The following PPP4R4 variants were observed in gnomAD, a reference collection of about 807,000 sequenced individuals.
The protein encoded by PPP4R4 is protein phosphatase 4 regulatory subunit 4, also known as serine/threonine-protein phosphatase 4 regulatory subunit 4.
In PPP4R4, 70 loss-of-function variants were observed where a neutral mutation model predicts 121.8. The observed-to-expected ratio is 0.57, with a 90% CI of 0.47 to 0.70. The LOEUF (loss-of-function observed/expected upper bound fraction) is 0.70, where lower values mean the gene tolerates loss of function less well. Ranked by LOEUF, PPP4R4 falls within the 30% of genes least tolerant of loss-of-function variation. The pLI is 0.00. For synonymous variants in PPP4R4, 348 were observed against 355.7 expected, an observed-to-expected ratio of 0.98 and a Z score of 0.24; for missense variants, 875 against 1,033.6, an observed-to-expected ratio of 0.85 and a Z score of 2.10.
chr14:94,258,692 T>C (rs1000897782), intron 17 of PPP4R4, 91 bp from the exon 18 acceptor site: 1 of 907,944 alleles, frequency 1.1e-6, no homozygotes, highest in Non-Finnish European at 1.8e-6. Context: ...AGTCTTCTAT[T>C]TGAACCTCCA....
At chr14:94,198,696 T>G (rs1036253040) in intron 2 of PPP4R4, among the ~76,000 whole-genome samples, 1 of 152,254 alleles carries the variant, frequency 6.6e-6, no homozygotes, top group Non-Finnish European at 1.5e-5. Flanking sequence ...AATTAAATTC[T>G]GTTTATTGTT....
chr14:94,207,360 T>G (rs1461602783), intron 2 of PPP4R4, among the ~76,000 whole-genome samples: 1 of 152,026 alleles, frequency 6.6e-6, no homozygotes, highest in Non-Finnish European at 1.5e-5. Flanking sequence ...GTGGAATGAT[T>G]ATGATGTCCT....
chr14:94,203,273 T>C (rs1051698199), intron 2 of PPP4R4, among the ~76,000 whole-genome samples: 2 of 152,226 alleles, frequency 1.3e-5, no homozygotes, highest in African/African-American at 4.8e-5. Flanking sequence ...TCAAGAATGC[T>C]ATATAAGTGG....
intron 16 of PPP4R4, 87 bp downstream of exon 16, chr14:94,251,983 A>G (rs940180233): frequency 5.7e-6 from 7 of 1,219,878 alleles, no homozygotes; most frequent in African/African-American, 3.2e-5. Context: ...TCCTTAGCCA[A>G]TTAAAAACTT....
intron 23 of PPP4R4, among the ~76,000 whole-genome samples, chr14:94,269,271 C>T (rs1218627337): frequency 2.0e-5 from 3 of 152,084 alleles, no homozygotes; most frequent in African/African-American, 4.8e-5. Context: ...GAATAACATT[C>T]CATTCACAGT....
At chr14:94,231,750 A>G (rs866974399) in intron 5 of PPP4R4, among the ~76,000 whole-genome samples, 10 of 152,250 alleles carry the variant, frequency 6.6e-5, no homozygotes, top group Middle Eastern at 6.8e-3. Flanking sequence ...GCATTTCTGT[A>G]GAGCTCTTCC....
chr14:94,176,263 A>G, intron 2 of PPP4R4, 136 bp downstream of exon 2: 1 of 649,124 alleles, frequency 1.5e-6, no homozygotes, highest in Non-Finnish European at 2.7e-6. Flanking sequence ...TGTGCATAGT[A>G]CTTAACTATA....
chr14:94,257,678 T>TACACAC (rs1893551884), intron 17 of PPP4R4, among the ~76,000 whole-genome samples: 2 of 113,898 alleles, frequency 1.8e-5, no homozygotes, highest in African/African-American at 7.3e-5. Flanking sequence ...CACACACACT[T>TACACAC]GTTTCTACCA....
chr14:94,212,585 A>G (rs1295650437), intron 3 of PPP4R4, among the ~76,000 whole-genome samples: 9 of 152,146 alleles, frequency 5.9e-5, no homozygotes, highest in Non-Finnish European at 1.3e-4. Flanking sequence ...ACATTTTAAA[A>G]TATAGTTTTT....
In PPP4R4 at chr14:94,242,217, G is replaced by A. The variant is rs1031443300; in HGVS notation, c.1147-72G>A. The A allele has an allele frequency of 6.7e-6, 10 of 1,493,096 alleles. No homozygotes were observed. In the Admixed American group the frequency reaches 1.1e-4, roughly 17 times the overall value. The allele number at this position is 1,493,096 out of a possible 1,614,324, so 92.5% of individuals were successfully genotyped here. On this transcript the variant is annotated intron_variant, in intron 10 of 24. Coordinates refer to ENST00000304338, the MANE Select transcript of PPP4R4 (RefSeq NM_058237.2). ...AACATGATTTCAATTTAAGTGAAAC[G>A]ATTATAATATTAGGTATTGATGCAT...
At chr14:94,270,072 AT>A (rs1341821478) in intron 23 of PPP4R4, among the ~76,000 whole-genome samples, 1 of 152,220 alleles carries the variant, frequency 6.6e-6, no homozygotes, top group East Asian at 1.9e-4. Context: ...TTATTCTGTC[AT>A]CTCAATTTTT....
chr14:94,224,657 G>A (rs145894492), intron 3 of PPP4R4, among the ~76,000 whole-genome samples: 185 of 152,270 alleles, frequency 1.2e-3, no homozygotes, highest in Non-Finnish European at 1.8e-3. Flanking sequence ...AGGAAATACT[G>A]TGAGCTCAAT....
intron 2 of PPP4R4, among the ~76,000 whole-genome samples, chr14:94,189,033 C>T (rs975511428): frequency 2.0e-4 from 31 of 151,882 alleles, no homozygotes; most frequent in East Asian, 1.5e-3. Context: ...AAACAATTAC[C>T]ATAAGAGAAA....
intron 5 of PPP4R4, among the ~76,000 whole-genome samples, chr14:94,232,525 A>G (rs1892093455): frequency 6.6e-6 from 1 of 152,210 alleles, no homozygotes; most frequent in South Asian, 2.1e-4. Flanking sequence ...ATGCTGTATA[A>G]TGCAATTTTT....
intron 3 of PPP4R4, among the ~76,000 whole-genome samples, chr14:94,209,373 A>G (rs1890623788): frequency 6.6e-6 from 1 of 151,934 alleles, no homozygotes; most frequent in African/African-American, 2.4e-5. Context: ...ATAATTTTTA[A>G]TTTATGTGTT....
At chr14:94,187,020 A>C (rs923944809) in intron 2 of PPP4R4, among the ~76,000 whole-genome samples, 1 of 152,158 alleles carries the variant, frequency 6.6e-6, no homozygotes, top group African/African-American at 2.4e-5. Context: ...ATTCTTTGAA[A>C]TATACTTTGT....
chr14:94,270,929 C>A (rs7155943), intron 23 of PPP4R4, among the ~76,000 whole-genome samples: 49,121 of 143,642 alleles, frequency 0.34, 8,800 homozygotes, highest in East Asian at 0.58. Context: ...AAAAAAAAAA[C>A]AACAACAACA....
At chr14:94,186,088 TA>T (rs1332977334) in intron 2 of PPP4R4, among the ~76,000 whole-genome samples, 3 of 152,232 alleles carry the variant, frequency 2.0e-5, no homozygotes, top group Non-Finnish European at 4.4e-5. Context: ...ATATGCTGAC[TA>T]TATATTTTTT....
At chr14:94,178,408 T>C (rs1888794832) in intron 2 of PPP4R4, among the ~76,000 whole-genome samples, 1 of 150,622 alleles carries the variant, frequency 6.6e-6, no homozygotes, top group Non-Finnish European at 1.5e-5. Context: ...TTAGTTCTTT[T>C]ATTTTGTGTA....
Sources: gnomAD v4.1 joint callset for allele counts (sites outside exome capture counted in the v4.1 genomes callset) on GRCh38, gnomAD v4.1.1 for gene constraint, MANE v1.5 for transcripts, NCBI Gene and HGNC (gene_info 2026-07-23, HGNC 2026-07-21) for gene names.